Variants in LRP1B observed in about 807,000 individuals in gnomAD.
LRP1B encodes the protein low-density lipoprotein receptor-related protein 1B.
In LRP1B, 217 loss-of-function variants were observed where a neutral mutation model predicts 556.6. The observed-to-expected ratio is 0.39, with a 90% CI of 0.35 to 0.44. The LOEUF is 0.44. Ranked by LOEUF, LRP1B falls within the 20% of genes least tolerant of loss-of-function variation. The pLI is 1.00. For missense variants in LRP1B, 5,053 were observed against 5,620.8 expected (o/e 0.90, Z 3.23); for synonymous variants, 2,047 against 1,865.8 (o/e 1.10, Z -2.50).
At chr2:140,653,460 T>C (rs1427423055) in intron 41 of LRP1B, among the ~76,000 whole-genome samples, 1 of 151,722 alleles carries the variant, frequency 6.6e-6, no homozygotes, top group African/African-American at 2.4e-5. Flanking sequence ...AAAGGAAAAA[T>C]AGGCATCATA....
At chr2:142,083,195 G>A (rs980001146) in intron 1 of LRP1B, among the ~76,000 whole-genome samples, 2 of 152,162 alleles carry the variant, frequency 1.3e-5, no homozygotes, top group African/African-American at 4.8e-5. Flanking sequence ...AATGACCAAG[G>A]AGTTTATGTG....
At chr2:141,410,479 A>G (rs1443594298) in intron 3 of LRP1B, among the ~76,000 whole-genome samples, 1 of 152,106 alleles carries the variant, frequency 6.6e-6, no homozygotes, top group Non-Finnish European at 1.5e-5. Flanking sequence ...ATTAGGTTAT[A>G]TAACATCAGG....
intron 1 of LRP1B, among the ~76,000 whole-genome samples, chr2:141,886,393 A>G (rs1383460825): frequency 1.3e-5 from 2 of 152,212 alleles, no homozygotes; most frequent in Non-Finnish European, 2.9e-5. Flanking sequence ...ACTGAAAATG[A>G]ATGAGTTAAA....
chr2:140,704,844 C>T (rs779011355), intron 37 of LRP1B, among the ~76,000 whole-genome samples: 22 of 152,106 alleles, frequency 1.4e-4, no homozygotes, highest in Non-Finnish European at 2.5e-4. Flanking sequence ...TGTTAATCTA[C>T]TTGCAAATGC....
At chr2:140,368,026 G>T (rs1353395234) in intron 71 of LRP1B, among the ~76,000 whole-genome samples, 1 of 151,716 alleles carries the variant, frequency 6.6e-6, no homozygotes, top group African/African-American at 2.4e-5. Flanking sequence ...CAAAGGTTTT[G>T]TGATAACCTA....
intron 6 of LRP1B, among the ~76,000 whole-genome samples, chr2:141,200,725 G>C (rs1681972552): frequency 6.6e-6 from 1 of 152,052 alleles, no homozygotes; most frequent in South Asian, 2.1e-4. Flanking sequence ...AAGTTAACTA[G>C]TGACTTATCA....
intron 3 of LRP1B, among the ~76,000 whole-genome samples, chr2:141,277,463 T>C (rs1685345423): frequency 1.3e-5 from 2 of 152,236 alleles, no homozygotes; most frequent in Admixed American, 1.3e-4. Flanking sequence ...ACAGGTAGTT[T>C]AATTGCTTTC....
At chr2:141,905,804 T>TGTGTGTGTGTGG (rs1339360329) in intron 1 of LRP1B, among the ~76,000 whole-genome samples, 1 of 146,902 alleles carries the variant, frequency 6.8e-6, no homozygotes, top group African/African-American at 2.5e-5. Flanking sequence ...TGTGTGTGTG[T>TGTGTGTGTGTGG]GGCTAGGTGT....
At chr2:141,094,697 G>A (rs1020651664) in intron 7 of LRP1B, among the ~76,000 whole-genome samples, 1 of 152,162 alleles carries the variant, frequency 6.6e-6, no homozygotes, top group African/African-American at 2.4e-5. Context: ...CTGTTGTTCT[G>A]ATCTAAGCTG....
intron 2 of LRP1B, among the ~76,000 whole-genome samples, chr2:141,673,866 A>T (rs1408834484): frequency 6.6e-6 from 1 of 152,034 alleles, no homozygotes; most frequent in Admixed American, 6.6e-5. Context: ...AGTACAGAGT[A>T]GGTGTATATA....
intron 1 of LRP1B, among the ~76,000 whole-genome samples, chr2:141,883,554 T>C (rs1699022025): frequency 6.6e-6 from 1 of 152,116 alleles, no homozygotes; most frequent in Admixed American, 6.6e-5. Context: ...ACCCTGTCTC[T>C]ACAGAAAACA....
At chr2:141,445,231 T>A (rs1573953395) in intron 3 of LRP1B, among the ~76,000 whole-genome samples, 2 of 152,342 alleles carry the variant, frequency 1.3e-5, no homozygotes, top group South Asian at 4.1e-4. Context: ...GTTTACAATA[T>A]TCTCTGATGG....
intron 43 of LRP1B, among the ~76,000 whole-genome samples, chr2:140,576,751 G>C (rs986089289): frequency 6.6e-6 from 1 of 152,054 alleles, no homozygotes; most frequent in African/African-American, 2.4e-5. Context: ...CACCTGCGGG[G>C]ACTAACTAGT....
chr2:141,440,747 G>A (rs1680933895), intron 3 of LRP1B, among the ~76,000 whole-genome samples: 1 of 152,192 alleles, frequency 6.6e-6, no homozygotes, highest in African/African-American at 2.4e-5. Flanking sequence ...TAACGATGAA[G>A]AGAGTCATTT....
Position 140,805,509 on chromosome 2 carries a change from C to A in LRP1B, c.5359+8148G>T, listed in dbSNP as rs138136809. Among the ~76,000 whole-genome samples the A allele has an allele frequency of 2.7e-3, 409 of 152,262 alleles. 4 individuals carry two copies. The highest frequency in any genetic ancestry group is 0.021 in the Admixed American group (319 of 15,274). ...TAAGCAGTTTTATGTTGTAAACTCC[C>A]ACCAAATTCTTAACTAAAAGTTGAA... On this transcript the variant is annotated intron_variant, in intron 32 of 90. Coordinates refer to ENST00000389484, the MANE Select transcript of LRP1B (RefSeq NM_018557.3).
At chr2:141,234,714 C>CA (rs1198848146) in intron 5 of LRP1B, among the ~76,000 whole-genome samples, 2 of 151,328 alleles carry the variant, frequency 1.3e-5, no homozygotes, top group Middle Eastern at 3.5e-3. Context: ...TAAAATGATG[C>CA]AAAAAACAGA....
At chr2:141,594,692 T>G (rs867270700) in intron 2 of LRP1B, among the ~76,000 whole-genome samples, 5 of 152,160 alleles carry the variant, frequency 3.3e-5, no homozygotes, top group African/African-American at 9.7e-5. Context: ...AGATAGCCAG[T>G]CAAATAAATT....
intron 60 of LRP1B, among the ~76,000 whole-genome samples, chr2:140,461,007 G>A (rs192561965): frequency 6.7e-6 from 1 of 149,540 alleles, no homozygotes; most frequent in Non-Finnish European, 1.5e-5. Context: ...AGGTTGCAGT[G>A]AGCCAAGATC....
intron 2 of LRP1B, among the ~76,000 whole-genome samples, chr2:141,588,352 G>A (rs1158969811): frequency 1.3e-5 from 2 of 151,682 alleles, no homozygotes; most frequent in Admixed American, 6.6e-5. Flanking sequence ...CATAATACTG[G>A]CCTAAAATCA....
Sources: allele counts gnomAD v4.1 joint callset (sites outside exome capture counted in the v4.1 genomes callset), GRCh38; gene constraint gnomAD v4.1.1; transcripts MANE v1.5; gene names NCBI Gene and HGNC (gene_info 2026-07-23, HGNC 2026-07-21).